The following LRRK2 variants were observed in gnomAD, a reference collection of about 807,000 sequenced individuals.
The protein encoded by LRRK2 is leucine rich repeat kinase 2.
A neutral mutation model predicts 302.6 loss-of-function variants in LRRK2; 203 were observed. The ratio of observed to expected loss-of-function variants is 0.67; its 90% confidence interval spans 0.60 to 0.75. The LOEUF is 0.75. Among genes scored for constraint, LRRK2 ranks in the 30% least tolerant of loss-of-function variants. LRRK2 has a pLI of 0.00. For synonymous variants in LRRK2, 1,066 were observed against 1,031.9 expected (o/e 1.03, Z -0.63); for missense variants, 2,830 against 2,951.0 (o/e 0.96, Z 0.95).
chr12:40,251,629 T>C, intron 10 of LRRK2, 85 bp downstream of exon 10: 1 of 1,190,992 alleles, frequency 8.4e-7, no homozygotes, highest in Non-Finnish European at 1.2e-6. Flanking sequence ...GTAACTTTTA[T>C]TGTTAGAAAT....
rs1942340780 is a variant in LRRK2 at position 40,252,894 on chromosome 12, T to C, written c.1182-16T>C. 1.3e-6 allele frequency: 2 copies of C among 1,558,184 alleles called. No individual in the cohort carries two copies. The highest frequency in any genetic ancestry group is 2.2e-5 in the South Asian group (2 of 89,950). On this transcript the variant is annotated splice_polypyrimidine_tract_variant and intron_variant, in intron 10 of 50. Coordinates refer to ENST00000298910, the MANE Select transcript of LRRK2 (RefSeq NM_198578.4). ...TTAAAAGATTACTACTAACATTTTG[T>C]TTGAATTTTTGAAAGTTTCCCAGCT...
intron 20 of LRRK2, among the ~76,000 whole-genome samples, chr12:40,291,581 A>G (rs994551812): frequency 1.3e-5 from 2 of 151,880 alleles, no homozygotes; most frequent in African/African-American, 4.8e-5. Context: ...TTGTGCTCAG[A>G]TAACCTACTC....
In LRRK2 at chr12:40,299,268, T is replaced by C; in HGVS notation, c.3496+11T>C. ...GAATGAATTTTCTTGGTAAGTGTTC[T>C]GTGTGGGTCTCCTCCTTACCAGGCC... On this transcript the variant is annotated intron_variant, in intron 25 of 50. Transcript: ENST00000298910. 6.2e-7 allele frequency: 1 copy of C among 1,612,934 alleles called. No individual in the cohort carries two copies. Among genetic ancestry groups the C allele is most frequent in the South Asian group, 1.1e-5 (1 of 91,072 alleles).
chr12:40,309,367 C>T, intron 30 of LRRK2, 134 bp downstream of exon 30: 1 of 1,192,526 alleles, frequency 8.4e-7, no homozygotes, highest in Non-Finnish European at 1.1e-6. Flanking sequence ...AAAAGAAGCA[C>T]TAAAATTTTG....
At chr12:40,301,154 G>T (rs1565729558) in intron 25 of LRRK2, 14 of 455,706 alleles carry the variant, frequency 3.1e-5, no homozygotes, top group Non-Finnish European at 1.3e-5. Context: ...TTAATAGTTT[G>T]AGAAGTGGTC....
intron 14 of LRRK2, among the ~76,000 whole-genome samples, chr12:40,268,488 A>C (rs887462270): frequency 6.6e-6 from 1 of 152,200 alleles, no homozygotes; most frequent in Non-Finnish European, 1.5e-5. Context: ...AATATACAGA[A>C]AACTATGAAG....
chr12:40,269,953 G>A (rs1303381089), intron 14 of LRRK2, among the ~76,000 whole-genome samples: 3 of 152,012 alleles, frequency 2.0e-5, no homozygotes, highest in Non-Finnish European at 2.9e-5. Context: ...TGTGGTTCCT[G>A]GAATTAAGAT....
intron 13 of LRRK2, among the ~76,000 whole-genome samples, 174 bp downstream of exon 13, chr12:40,259,778 T>G (rs1942687956): frequency 6.6e-6 from 1 of 152,198 alleles, no homozygotes; most frequent in Non-Finnish European, 1.5e-5. Context: ...TCACTTAGAT[T>G]AATTTTTATA....
intron 23 of LRRK2, among the ~76,000 whole-genome samples, chr12:40,296,439 C>A (rs1944388087): frequency 6.6e-6 from 1 of 152,010 alleles, no homozygotes; most frequent in African/African-American, 2.4e-5. Flanking sequence ...TCAAGACCAG[C>A]TTAAGCATCA....
intron 18 of LRRK2, among the ~76,000 whole-genome samples, chr12:40,278,979 C>T (rs1387348695): frequency 1.3e-5 from 2 of 151,886 alleles, no homozygotes; most frequent in Non-Finnish European, 2.9e-5. Flanking sequence ...CAGTGTTCAT[C>T]TTTGTATCAT....
At chr12:40,353,576 C>T (rs575482445) in intron 44 of LRRK2, among the ~76,000 whole-genome samples, 94 of 151,794 alleles carry the variant, frequency 6.2e-4, no homozygotes, top group African/African-American at 1.5e-3. Context: ...ACTTCCCAGA[C>T]GGGGTGGCGG....
chr12:40,342,184 C>T (rs1374972081), intron 41 of LRRK2, among the ~76,000 whole-genome samples: 2 of 152,178 alleles, frequency 1.3e-5, no homozygotes, highest in African/African-American at 2.4e-5. Flanking sequence ...TGTACTTGAG[C>T]TCTGCTTCTT....
At chr12:40,248,303 A>G (rs1230420490) in intron 7 of LRRK2, among the ~76,000 whole-genome samples, 2 of 152,214 alleles carry the variant, frequency 1.3e-5, no homozygotes, top group African/African-American at 4.8e-5. Context: ...GATCAGGGAA[A>G]TGCTACTTGA....
chr12:40,245,241 C>T (rs115686271), intron 7 of LRRK2, among the ~76,000 whole-genome samples: 2,267 of 152,006 alleles, frequency 0.015, 55 homozygotes, highest in African/African-American at 0.052. Flanking sequence ...TTGTAAAGAA[C>T]CCAATTCCCC....
At chr12:40,352,281 C>T (rs1156384115) in intron 44 of LRRK2, among the ~76,000 whole-genome samples, 2 of 152,092 alleles carry the variant, frequency 1.3e-5, no homozygotes, top group African/African-American at 2.4e-5. Context: ...TAGTAGCCAA[C>T]ACTCAGGGTA....
At chr12:40,343,439 G>A (rs932902100) in intron 41 of LRRK2, among the ~76,000 whole-genome samples, 8 of 152,098 alleles carry the variant, frequency 5.3e-5, no homozygotes, top group Admixed American at 2.0e-4. Context: ...AAATGTTACC[G>A]GCTGGACATA....
chr12:40,361,591 A>C (rs1946707585), intron 47 of LRRK2, among the ~76,000 whole-genome samples: 1 of 152,036 alleles, frequency 6.6e-6, no homozygotes, highest in South Asian at 2.1e-4. Flanking sequence ...TTCATAGCAC[A>C]TTTTATGGGA....
rs770591392 is a variant in LRRK2, at chr12:40,354,338, C to T, written c.6616C>T (p.His2206Tyr). 2.5e-6 allele frequency: 4 copies of T among 1,614,088 alleles called. No individual in the cohort carries two copies. The highest frequency in any genetic ancestry group is 4.5e-5 in the East Asian group (2 of 44,854). The change falls in exon 45 of 51, where the codon CAT becomes TAT. Residue 2206 changes from histidine to tyrosine, a missense_variant. Physicochemically the swap from His to Tyr is moderately conservative, Grantham distance 83. Transcript: ENST00000298910. ...TAGAATATTGTGCTTAGCCTTGGTG[C>T]ATCTTCCTGTTGAAAAGGAAAGCTG... Reference protein sequence around the residue: ...DSRILCLALVHLPVEKESWIV... With the variant: ...DSRILCLALVYLPVEKESWIV...
At chr12:40,283,262 A>C (rs556776245) in intron 18 of LRRK2, among the ~76,000 whole-genome samples, 13 of 152,168 alleles carry the variant, frequency 8.5e-5, no homozygotes, top group Admixed American at 2.0e-4. Context: ...GGCACCTCAC[A>C]TGCTAACCCA....
Sources: gnomAD v4.1 joint callset for allele counts (sites outside exome capture counted in the v4.1 genomes callset) on GRCh38, gnomAD v4.1.1 for gene constraint, MANE v1.5 for transcripts, NCBI Gene and HGNC (gene_info 2026-07-23, HGNC 2026-07-21) for gene names.